Variants in YAP1 observed in about 807,000 individuals in gnomAD.
The protein encoded by YAP1 is transcriptional coactivator YAP1.
Under a neutral mutation model 56.9 loss-of-function variants are expected in YAP1, and 5 were observed. The ratio of observed to expected loss-of-function variants is 0.09; its 90% CI spans 0.05 to 0.18. YAP1 has a LOEUF of 0.18. Among genes scored for constraint, YAP1 ranks in the 10% least tolerant of loss-of-function variants. The pLI is 1.00. For synonymous variants in YAP1, 265 were observed against 248.1 expected, an observed-to-expected ratio of 1.07 and a Z score of -0.64; for missense variants, 539 against 651.8, an observed-to-expected ratio of 0.83 and a Z score of 1.88.
chr11:102,232,994 CAG>C lies in YAP1; in HGVS notation c.*3055_*3056del, dbSNP rs1387802641. ...ACATGGCAGAAAGACTGAAAAATAA[CAG>C]TAATTAATTGTGTAATTCAGAATTC... On this transcript the variant is annotated 3_prime_UTR_variant, in exon 9 of 9. Coordinates refer to ENST00000282441, the MANE Select transcript of YAP1 (RefSeq NM_001130145.3). The C allele has an allele frequency of 2.6e-5, 4 of 152,260 alleles. No individual in the cohort carries two copies. The highest frequency in any genetic ancestry group is 2.1e-4 in the South Asian group (1 of 4,824). 9.4% of individuals were successfully genotyped at this position (152,260 alleles called of 1,614,324 possible). A position where few individuals can be genotyped will look rare whatever the true frequency, so the allele number is the denominator to read the frequency against.
intron 4 of YAP1, among the ~76,000 whole-genome samples, chr11:102,198,228 C>G (rs1323267669): frequency 6.6e-6 from 1 of 152,014 alleles, no homozygotes; most frequent in African/African-American, 2.4e-5. Flanking sequence ...TTTTCCTGTT[C>G]CGTGGTTTTG....
intron 6 of YAP1, among the ~76,000 whole-genome samples, chr11:102,215,890 A>C (rs556531039): frequency 6.6e-6 from 1 of 152,330 alleles, no homozygotes; most frequent in African/African-American, 2.4e-5. Flanking sequence ...GGGAAATTGC[A>C]TATATTTATA....
At chr11:102,134,823 C>G (rs1944579216) in intron 2 of YAP1, among the ~76,000 whole-genome samples, 1 of 152,170 alleles carries the variant, frequency 6.6e-6, no homozygotes, top group Admixed American at 6.6e-5. Flanking sequence ...ATCCTCTGGC[C>G]TCAGCCTCCT....
intron 2 of YAP1, among the ~76,000 whole-genome samples, chr11:102,153,910 C>T (rs1208355278): frequency 1.3e-5 from 2 of 151,922 alleles, no homozygotes; most frequent in African/African-American, 4.8e-5. Flanking sequence ...CTGTGTAATC[C>T]TCATGTAACA....
chr11:102,196,007 T>G (rs1354262306), intron 4 of YAP1, among the ~76,000 whole-genome samples: 1 of 152,168 alleles, frequency 6.6e-6, no homozygotes, highest in Non-Finnish European at 1.5e-5. Context: ...TAACTCCCAT[T>G]AGGATGGCTA....
At chr11:102,112,276 T>C (rs1237998508) in intron 1 of YAP1, among the ~76,000 whole-genome samples, 1 of 152,214 alleles carries the variant, frequency 6.6e-6, no homozygotes, top group Non-Finnish European at 1.5e-5. Context: ...ACATGGCTGC[T>C]ATTCCACATA....
chr11:102,157,961 G>GT (rs1946050217), intron 2 of YAP1, among the ~76,000 whole-genome samples: 1 of 152,076 alleles, frequency 6.6e-6, no homozygotes, highest in South Asian at 2.1e-4. Context: ...TATTTGGAGT[G>GT]TCCATAAAAA....
intron 3 of YAP1, among the ~76,000 whole-genome samples, chr11:102,172,522 G>A (rs1226108814): frequency 6.8e-6 from 1 of 146,194 alleles, no homozygotes; most frequent in African/African-American, 2.5e-5. Flanking sequence ...GGGCATGGTA[G>A]TGTATGCCTA....
chr11:102,228,049 C>CA (rs35908272), intron 8 of YAP1, among the ~76,000 whole-genome samples: 4,115 of 111,448 alleles, frequency 0.037, 145 homozygotes, highest in African/African-American at 0.11. Flanking sequence ...GACCTCTTCT[C>CA]AAAAAAAAAA....
At chr11:102,142,397 G>A (rs540253437) in intron 2 of YAP1, among the ~76,000 whole-genome samples, 1 of 152,174 alleles carries the variant, frequency 6.6e-6, no homozygotes, top group Non-Finnish European at 1.5e-5. Flanking sequence ...TTTATTATCT[G>A]TCAAACTGTG....
chr11:102,176,285 A>G (rs1947241442), intron 3 of YAP1, among the ~76,000 whole-genome samples: 1 of 152,196 alleles, frequency 6.6e-6, no homozygotes. Context: ...TTTTTCTCAT[A>G]ATTCCACATA....
intron 4 of YAP1, among the ~76,000 whole-genome samples, chr11:102,203,296 G>A (rs1948967422): frequency 1.3e-5 from 2 of 152,188 alleles, no homozygotes; most frequent in South Asian, 4.1e-4. Flanking sequence ...CAAATACAAT[G>A]TATGGACCTT....
chr11:102,165,209 T>A (rs914911140), intron 3 of YAP1, among the ~76,000 whole-genome samples: 1 of 148,598 alleles, frequency 6.7e-6, no homozygotes, highest in African/African-American at 2.5e-5. Flanking sequence ...AAAAAAAAAA[T>A]AGTCTGTCAT....
chr11:102,138,261 A>G (rs1413732791), intron 2 of YAP1, among the ~76,000 whole-genome samples: 1 of 152,192 alleles, frequency 6.6e-6, no homozygotes, highest in Non-Finnish European at 1.5e-5. Flanking sequence ...TAGTGGCCTA[A>G]AATAATAATT....
At chr11:102,122,851 C>T (rs1410001706) in intron 2 of YAP1, among the ~76,000 whole-genome samples, 2 of 136,660 alleles carry the variant, frequency 1.5e-5, no homozygotes, top group African/African-American at 2.7e-5. Context: ...GAATCGAGAT[C>T]GAGCATTGCA....
intron 3 of YAP1, among the ~76,000 whole-genome samples, chr11:102,180,271 T>C (rs1478738883): frequency 6.6e-6 from 1 of 152,114 alleles, no homozygotes; most frequent in Non-Finnish European, 1.5e-5. Flanking sequence ...CTCCTTGGCC[T>C]CCTAATCTAT....
chr11:102,117,725 G>C (rs1329765609), intron 2 of YAP1, among the ~76,000 whole-genome samples: 1 of 152,172 alleles, frequency 6.6e-6, no homozygotes, highest in Non-Finnish European at 1.5e-5. Flanking sequence ...TTTATCAGTG[G>C]CTTGTTTTCA....
intron 6 of YAP1, among the ~76,000 whole-genome samples, chr11:102,210,371 A>G (rs1217860529): frequency 1.3e-5 from 2 of 152,214 alleles, no homozygotes; most frequent in East Asian, 3.8e-4. Flanking sequence ...AAATAAGTAC[A>G]TTGTTTTAGA....
At chr11:102,203,598 G>T (rs1948985394) in intron 4 of YAP1, among the ~76,000 whole-genome samples, 1 of 152,172 alleles carries the variant, frequency 6.6e-6, no homozygotes, top group South Asian at 2.1e-4. Context: ...TAACAATTGG[G>T]AAGAAAGCGA....
Sources: gnomAD v4.1 joint callset for allele counts (sites outside exome capture counted in the v4.1 genomes callset) on GRCh38, gnomAD v4.1.1 for gene constraint, MANE v1.5 for transcripts, NCBI Gene and HGNC (gene_info 2026-07-23, HGNC 2026-07-21) for gene names.